SUCLG2: variants seen among roughly 807,000 people sequenced by gnomAD.
The protein encoded by SUCLG2 is succinate--CoA ligase [GDP-forming] subunit beta, mitochondrial.
Under a neutral mutation model 47.9 loss-of-function variants are expected in SUCLG2, and 42 were observed. The observed-to-expected ratio is 0.88, with a 90% CI of 0.69 to 1.14. SUCLG2 has a LOEUF of 1.14. SUCLG2 is among the 50% of genes most tolerant of loss of function. The pLI is 0.00. For synonymous variants in SUCLG2, 195 were observed against 197.3 expected (o/e 0.99, Z 0.10); for missense variants, 571 against 525.9 (o/e 1.09, Z -0.84).
rs1199219869 is a variant in SUCLG2, at chr3:67,537,982, T to C, written c.227-8796A>G. Among the ~76,000 whole-genome samples, 8 of 152,342 alleles carry C rather than the reference T, an allele frequency of 5.3e-5. No individual in the cohort carries two copies. In the South Asian group the frequency reaches 1.0e-3, roughly 20 times the overall value. ...TTCTGGATATTAGCCCTTTGTCAGATGGATAGACTGCAAAAAATGTTCTCC... is the reference window on the plus strand; with the variant it reads ...TTCTGGATATTAGCCCTTTGTCAGACGGATAGACTGCAAAAAATGTTCTCC... On this transcript the variant is annotated intron_variant, in intron 2 of 10. Coordinates refer to ENST00000307227, the MANE Select transcript of SUCLG2 (RefSeq NM_003848.4).
At chr3:67,466,873 A>G (rs1704485883) in intron 9 of SUCLG2, among the ~76,000 whole-genome samples, 1 of 152,254 alleles carries the variant, frequency 6.6e-6, no homozygotes, top group Non-Finnish European at 1.5e-5. Context: ...ATACAAAGAT[A>G]TAACATGCTT....
At chr3:67,552,840 T>C (rs1707054228) in intron 2 of SUCLG2, among the ~76,000 whole-genome samples, 1 of 152,228 alleles carries the variant, frequency 6.6e-6, no homozygotes, top group Non-Finnish European at 1.5e-5. Context: ...CCTTAAATTA[T>C]CTGATTTGGC....
intron 10 of SUCLG2, among the ~76,000 whole-genome samples, chr3:67,369,602 C>T (rs780100314): frequency 2.6e-5 from 4 of 152,186 alleles, no homozygotes; most frequent in African/African-American, 4.8e-5. Flanking sequence ...GGAGCCGTTC[C>T]GCTGGGCCTG....
intron 2 of SUCLG2, among the ~76,000 whole-genome samples, chr3:67,558,836 A>G (rs1707229884): frequency 6.6e-6 from 1 of 152,190 alleles, no homozygotes. Flanking sequence ...AACCAGATCA[A>G]TGATCCTTTT....
At chr3:67,649,838 T>C (rs1701254954) in intron 1 of SUCLG2, among the ~76,000 whole-genome samples, 1 of 152,178 alleles carries the variant, frequency 6.6e-6, no homozygotes. Context: ...GGACAAATGA[T>C]CTGAGGTTAC....
At chr3:67,418,761 T>C (rs575678162) in intron 9 of SUCLG2, among the ~76,000 whole-genome samples, 1 of 152,288 alleles carries the variant, frequency 6.6e-6, no homozygotes, top group Admixed American at 6.5e-5. Context: ...CATACCATCC[T>C]GGTTAATCTC....
chr3:67,437,089 T>C (rs1174902298), intron 9 of SUCLG2, among the ~76,000 whole-genome samples: 1 of 152,106 alleles, frequency 6.6e-6, no homozygotes, highest in Non-Finnish European at 1.5e-5. Context: ...CCTTCTAGTA[T>C]GTTTCTGGGA....
intron 10 of SUCLG2, among the ~76,000 whole-genome samples, chr3:67,396,951 G>C (rs909871134): frequency 6.6e-6 from 1 of 151,794 alleles, no homozygotes; most frequent in Non-Finnish European, 1.5e-5. Flanking sequence ...ATGCAGAAAA[G>C]GCCTTTGACA....
In SUCLG2 at chr3:67,384,865, A is replaced by C. The variant is rs115683141; in HGVS notation, c.1184-9006T>G. ...CAGCACTGCTCAGGCAGCCACTGCC[A>C]ATAAAGAGAAGGTGGCATGAGATGA... On this transcript the variant is annotated intron_variant, in intron 10 of 10. Transcript: ENST00000307227. 9.4e-3 allele frequency among the ~76,000 whole-genome samples: 1,435 copies of C among 152,352 alleles called. 27 individuals are homozygous for C. The highest frequency in any genetic ancestry group is 0.033 in the African/African-American group (1,376 of 41,584).
intron 9 of SUCLG2, among the ~76,000 whole-genome samples, chr3:67,439,829 C>T (rs898767234): frequency 7.2e-5 from 11 of 152,152 alleles, no homozygotes; most frequent in Non-Finnish European, 1.2e-4. Context: ...AGATTCAATG[C>T]TATCCCCATC....
chr3:67,435,205 C>A (rs1703588128), intron 9 of SUCLG2, among the ~76,000 whole-genome samples: 1 of 152,136 alleles, frequency 6.6e-6, no homozygotes, highest in Non-Finnish European at 1.5e-5. Context: ...CTGCAGTTTG[C>A]AACCTTGTAA....
intron 10 of SUCLG2, among the ~76,000 whole-genome samples, chr3:67,381,516 T>C (rs1292478764): frequency 3.9e-5 from 6 of 152,192 alleles, no homozygotes; most frequent in Non-Finnish European, 7.3e-5. Context: ...ACAAAGGAAA[T>C]TGATCTCCTT....
intron 1 of SUCLG2, among the ~76,000 whole-genome samples, chr3:67,614,472 T>C (rs1296146904): frequency 6.6e-6 from 1 of 151,780 alleles, no homozygotes; most frequent in Non-Finnish European, 1.5e-5. Flanking sequence ...TCCTCTCCTA[T>C]GGCTCACGGA....
intron 2 of SUCLG2, among the ~76,000 whole-genome samples, chr3:67,565,182 T>A (rs1348062970): frequency 6.6e-6 from 1 of 152,198 alleles, no homozygotes; most frequent in Non-Finnish European, 1.5e-5. Flanking sequence ...ATAAAACAGG[T>A]TCCTTGATTT....
chr3:67,426,179 A>T (rs1209220861), intron 9 of SUCLG2, among the ~76,000 whole-genome samples: 2 of 151,536 alleles, frequency 1.3e-5, no homozygotes, highest in African/African-American at 2.4e-5. Flanking sequence ...CTAAAAGAAT[A>T]AAAAAAACAA....
rs559363582 is a variant in SUCLG2, at chr3:67,375,639, C to T, written c.*105G>A. On this transcript the variant is annotated 3_prime_UTR_variant, in exon 11 of 11. Transcript: ENST00000307227. ...TTTTTCAGTGATTCTTGCCTTCCCC[C>T]TCCCCTTTTCTTCCCCAATGAGATA... is the stretch of plus-strand genomic sequence containing the variant. 1 of 1,454,372 alleles carries T rather than the reference C, an allele frequency of 6.9e-7. No individual in the cohort carries two copies. 90.1% of individuals were successfully genotyped at this position (1,454,372 alleles called of 1,614,324 possible).
intron 2 of SUCLG2, among the ~76,000 whole-genome samples, chr3:67,596,040 T>C (rs975937462): frequency 6.6e-6 from 1 of 152,240 alleles, no homozygotes; most frequent in African/African-American, 2.4e-5. Flanking sequence ...CATTCTGGTG[T>C]ATACATCATT....
chr3:67,402,660 C>A (rs1387867), intron 9 of SUCLG2, among the ~76,000 whole-genome samples: 15,607 of 152,170 alleles, frequency 0.1, 859 homozygotes, highest in Admixed American at 0.14. Flanking sequence ...TCCATGGGGT[C>A]CATGATAGAA....
At chr3:67,640,823 C>T (rs1013988277) in intron 1 of SUCLG2, among the ~76,000 whole-genome samples, 1 of 152,124 alleles carries the variant, frequency 6.6e-6, no homozygotes, top group Admixed American at 6.6e-5. Flanking sequence ...TAAATTTCAA[C>T]TTTAGACTGC....
Sources: allele counts gnomAD v4.1 joint callset (sites outside exome capture counted in the v4.1 genomes callset), GRCh38; gene constraint gnomAD v4.1.1; transcripts MANE v1.5; gene names NCBI Gene and HGNC (gene_info 2026-07-23, HGNC 2026-07-21).